Variants in TRPC7 observed in about 807,000 individuals in gnomAD.
TRPC7 encodes short transient receptor potential channel 7.
TRPC7 carries 42 observed loss-of-function variants against 90.1 expected under a neutral mutation model. The observed-to-expected ratio is 0.47, with a 90% CI of 0.36 to 0.60. The LOEUF (loss-of-function observed/expected upper bound fraction) is 0.60. Ranked by LOEUF, TRPC7 falls within the 20% of genes least tolerant of loss-of-function variation. The pLI is 0.00. For synonymous variants in TRPC7, 451 were observed against 436.3 expected (o/e 1.03, Z -0.42); for missense variants, 955 against 1,112.3 (o/e 0.86, Z 2.01).
chr5:136,273,071 A>G (rs1207784946), intron 4 of TRPC7, among the ~76,000 whole-genome samples: 7 of 152,212 alleles, frequency 4.6e-5, no homozygotes, highest in Admixed American at 2.6e-4. Flanking sequence ...AAGCTGTCAC[A>G]TTTAGCTTTG....
chr5:136,281,454 A>C (rs7712815), intron 3 of TRPC7, among the ~76,000 whole-genome samples: 18,409 of 152,222 alleles, frequency 0.12, 1,160 homozygotes, highest in African/African-American at 0.14. Flanking sequence ...CCTAATTAGC[A>C]TTTCAAGTCC....
chr5:136,343,720 CA>C (rs1759916521), intron 2 of TRPC7, among the ~76,000 whole-genome samples: 1 of 152,124 alleles, frequency 6.6e-6, no homozygotes, highest in African/African-American at 2.4e-5. Flanking sequence ...TCATTTGTTA[CA>C]GGGGTGAACA....
At chr5:136,216,132 A>T (rs1434810260) in intron 11 of TRPC7, 68 bp downstream of exon 11, 1 of 1,309,900 alleles carries the variant, frequency 7.6e-7, no homozygotes, top group Non-Finnish European at 1.1e-6. Flanking sequence ...CTGTGGCCGT[A>T]GCCCAGTGAG....
chr5:136,328,967 C>T (rs192994155), intron 2 of TRPC7, among the ~76,000 whole-genome samples: 6 of 152,328 alleles, frequency 3.9e-5, no homozygotes, highest in East Asian at 1.9e-4. Flanking sequence ...CAAGTGCAGG[C>T]GCCTGGACGC....
chr5:136,297,370 CAGA>C (rs1758217416), intron 3 of TRPC7, among the ~76,000 whole-genome samples: 1 of 151,996 alleles, frequency 6.6e-6, no homozygotes, highest in Admixed American at 6.6e-5. Flanking sequence ...CAACACCTAT[CAGA>C]AGAAGAGTAA....
At chr5:136,349,996 C>G (rs1760138845) in intron 2 of TRPC7, among the ~76,000 whole-genome samples, 1 of 152,082 alleles carries the variant, frequency 6.6e-6, no homozygotes, top group African/African-American at 2.4e-5. Flanking sequence ...CTACAGTGTT[C>G]AGTATAGTAA....
At chr5:136,230,610 A>G (rs1755786119) in intron 8 of TRPC7, among the ~76,000 whole-genome samples, 1 of 152,200 alleles carries the variant, frequency 6.6e-6, no homozygotes, top group Non-Finnish European at 1.5e-5. Context: ...ATCGTAGTCT[A>G]TTTAATTAGA....
Position 136,364,059 on chromosome 5 carries a change from G to C in TRPC7, c.2+1194C>G, listed in dbSNP as rs371814140. On this transcript the variant is annotated intron_variant, in intron 1 of 11. Transcript: ENST00000513104. ...ATCTACTACTGAGAAAGAAAGAGAGGCCCTTATATTATGAAATGACAATAC... is the reference window on the plus strand; with the variant it reads ...ATCTACTACTGAGAAAGAAAGAGAGCCCCTTATATTATGAAATGACAATAC... 4.6e-5 allele frequency among the ~76,000 whole-genome samples: 7 copies of C among 152,094 alleles called. No individual in the cohort carries two copies. In the East Asian group the frequency reaches 1.3e-3, roughly 29 times the overall value.
chr5:136,280,123 G>T (rs1409023920), intron 3 of TRPC7, among the ~76,000 whole-genome samples: 1 of 152,156 alleles, frequency 6.6e-6, no homozygotes, highest in African/African-American at 2.4e-5. Flanking sequence ...TTGCACCACT[G>T]CTCTCCAACC....
intron 2 of TRPC7, among the ~76,000 whole-genome samples, chr5:136,342,608 G>T (rs1185317990): frequency 6.6e-6 from 1 of 152,062 alleles, no homozygotes; most frequent in Non-Finnish European, 1.5e-5. Context: ...TCTTATATTA[G>T]GCTGCAGAAG....
intron 5 of TRPC7, among the ~76,000 whole-genome samples, chr5:136,264,824 CT>C (rs2149811592): frequency 6.6e-6 from 1 of 152,216 alleles, no homozygotes; most frequent in Non-Finnish European, 1.5e-5. Flanking sequence ...AATTCCTGAC[CT>C]CGTGATCCAC....
At chr5:136,280,482 A>G (rs1757514719) in intron 3 of TRPC7, among the ~76,000 whole-genome samples, 1 of 152,202 alleles carries the variant, frequency 6.6e-6, no homozygotes, top group South Asian at 2.1e-4. Flanking sequence ...TGAATCCCCT[A>G]AGATTTTCTC....
intron 3 of TRPC7, among the ~76,000 whole-genome samples, chr5:136,275,928 A>AG (rs1237371934): frequency 1.3e-5 from 2 of 152,322 alleles, no homozygotes; most frequent in East Asian, 3.9e-4. Context: ...AGGCTGAGCT[A>AG]GTGTTTGACC....
intron 2 of TRPC7, among the ~76,000 whole-genome samples, chr5:136,349,605 C>T (rs1199262717): frequency 1.3e-5 from 2 of 152,200 alleles, no homozygotes; most frequent in Non-Finnish European, 2.9e-5. Flanking sequence ...ATTTATTTGT[C>T]TATTTACTGA....
At chr5:136,320,955 C>A (rs1251731086) in intron 2 of TRPC7, among the ~76,000 whole-genome samples, 1 of 152,122 alleles carries the variant, frequency 6.6e-6, no homozygotes, top group African/African-American at 2.4e-5. Context: ...TATTTATTGT[C>A]CATGTCTCCC....
rs146925643 is a variant in TRPC7, at chr5:136,362,920, C to T, written c.2+2333G>A. On this transcript the variant is annotated intron_variant, in intron 1 of 11. Coordinates refer to ENST00000513104, the MANE Select transcript of TRPC7 (RefSeq NM_020389.3). ...TGGTGCTTGGTCAATCAACTTAATT[C>T]ATTCCTAAATATTTGAATCTGGGTT... 2.2e-3 allele frequency among the ~76,000 whole-genome samples: 340 copies of T among 152,242 alleles called. 6 individuals carry two copies. The highest frequency in any genetic ancestry group is 7.9e-3 in the African/African-American group (327 of 41,542).
chr5:136,304,378 T>C (rs1561710648), intron 3 of TRPC7, among the ~76,000 whole-genome samples: 2 of 122,320 alleles, frequency 1.6e-5, no homozygotes, highest in Non-Finnish European at 3.4e-5. Context: ...CTAAAGCCTA[T>C]AAACTCTCCT....
At chr5:136,220,711 A>G (rs1223762601) in intron 10 of TRPC7, among the ~76,000 whole-genome samples, 1 of 152,158 alleles carries the variant, frequency 6.6e-6, no homozygotes, top group African/African-American at 2.4e-5. Context: ...CCTCAGAGGC[A>G]TATGATCTTT....
chr5:136,353,224 A>G (rs1002519955), intron 2 of TRPC7, among the ~76,000 whole-genome samples: 3 of 152,216 alleles, frequency 2.0e-5, no homozygotes, highest in Admixed American at 6.5e-5. Flanking sequence ...AGACCTTGAC[A>G]TTGGCTGCAA....
Sources: gnomAD v4.1 joint callset for allele counts (sites outside exome capture counted in the v4.1 genomes callset) on GRCh38, gnomAD v4.1.1 for gene constraint, MANE v1.5 for transcripts, NCBI Gene and HGNC (gene_info 2026-07-23, HGNC 2026-07-21) for gene names.